Variants in GLRA2 observed in about 807,000 individuals in gnomAD.
GLRA2 encodes the protein glycine receptor alpha 2.
A neutral mutation model predicts 31.6 loss-of-function variants in GLRA2; 11 were observed. That is an observed-to-expected ratio of 0.35 (90% CI 0.22 to 0.58). The LOEUF (loss-of-function observed/expected upper bound fraction) is 0.58, where lower values mean the gene tolerates loss of function less well. GLRA2 is among the 20% of genes least tolerant of loss of function. The pLI is 0.84. For synonymous variants in GLRA2, 132 were observed against 134.0 expected (o/e 0.99, Z 0.10); for missense variants, 212 against 351.8 (o/e 0.60, Z 3.18).
intron 3 of GLRA2, chrX:14,574,686 A>G: frequency 2.0e-6 from 1 of 506,641 alleles, no homozygotes; most frequent in Non-Finnish European, 3.5e-6. Flanking sequence ...CTGAAAAGCA[A>G]TAATTTATAC....
At chrX:14,534,477 C>A (rs763730805) in intron 2 of GLRA2, among the ~76,000 whole-genome samples, 1 of 110,124 alleles carries the variant, frequency 9.1e-6, no homozygotes, top group East Asian at 2.8e-4. Flanking sequence ...CTTGATTATT[C>A]CTGGATTTAA....
chrX:14,463,262 C>T, the GLRA2 span, among the ~76,000 whole-genome samples: 2,151 of 111,228 alleles, frequency 0.019, 66 homozygotes, highest in African/African-American at 0.067. Context: ...AGGTGTCTGT[C>T]GGCACCTACT....
the GLRA2 span, among the ~76,000 whole-genome samples, chrX:14,518,116 C>A: frequency 8.1e-5 from 9 of 110,736 alleles, no homozygotes; most frequent in African/African-American, 3.0e-4. Context: ...GGTACTGAAC[C>A]CTTAGTAATC....
chrX:14,683,502 G>C (rs891939993), intron 7 of GLRA2, among the ~76,000 whole-genome samples: 1 of 111,123 alleles, frequency 9.0e-6, no homozygotes, highest in African/African-American at 3.3e-5. Context: ...TAGGTTGCCT[G>C]TTCACTCTGA....
chrX:14,625,952 C>A (rs1411457890), intron 7 of GLRA2, among the ~76,000 whole-genome samples: 1 of 111,956 alleles, frequency 8.9e-6, no homozygotes, highest in Non-Finnish European at 1.9e-5. Flanking sequence ...TCATACAGAG[C>A]TAGACCTTAA....
chrX:14,582,929 T>C (rs2090038900), intron 4 of GLRA2, among the ~76,000 whole-genome samples: 1 of 112,303 alleles, frequency 8.9e-6, no homozygotes, highest in Admixed American at 9.5e-5. Flanking sequence ...TGGACTGGAT[T>C]TGGCCCTTTG....
intron 7 of GLRA2, among the ~76,000 whole-genome samples, chrX:14,620,330 A>T (rs1381006713): frequency 9.2e-6 from 1 of 109,091 alleles, no homozygotes; most frequent in Non-Finnish European, 1.9e-5. Context: ...GTTTTTTAGG[A>T]TGCAGGCTTA....
chrX:14,555,933 C>G (rs886595776), intron 2 of GLRA2, among the ~76,000 whole-genome samples: 1 of 111,473 alleles, frequency 9.0e-6, no homozygotes, highest in South Asian at 3.8e-4. Flanking sequence ...TACAGTGAAT[C>G]GGGTAAAATC....
At chrX:14,629,063 GGA>G (rs1179802313) in intron 7 of GLRA2, among the ~76,000 whole-genome samples, 3 of 111,329 alleles carry the variant, frequency 2.7e-5, no homozygotes, top group Non-Finnish European at 3.8e-5. Context: ...AGAATTAATG[GGA>G]CATAGCAATT....
the GLRA2 span, among the ~76,000 whole-genome samples, chrX:14,477,859 A>G: frequency 9.0e-6 from 1 of 110,885 alleles, no homozygotes; most frequent in African/African-American, 3.3e-5. Context: ...CCTCCTGGCA[A>G]CGATTTTCTG....
At chrX:14,584,807 C>T (rs1299558191) in intron 4 of GLRA2, among the ~76,000 whole-genome samples, 1 of 112,019 alleles carries the variant, frequency 8.9e-6, no homozygotes, top group Non-Finnish European at 1.9e-5. Context: ...TAAAAAGCAG[C>T]ACAGAGCATC....
intron 7 of GLRA2, among the ~76,000 whole-genome samples, chrX:14,651,354 G>C (rs770967439): frequency 1.8e-5 from 2 of 111,211 alleles, no homozygotes; most frequent in Non-Finnish European, 3.8e-5. Flanking sequence ...TATCTGAGTT[G>C]TGAGAAATTT....
chrX:14,480,126 T>A, the GLRA2 span, among the ~76,000 whole-genome samples: 1 of 112,145 alleles, frequency 8.9e-6, no homozygotes, highest in African/African-American at 3.2e-5. Flanking sequence ...ATCAGTGATG[T>A]TGAGCATTAT....
At chrX:14,454,937 A>G in the GLRA2 span, among the ~76,000 whole-genome samples, 3,838 of 112,268 alleles carry the variant, frequency 0.034, 155 homozygotes, top group African/African-American at 0.12. Flanking sequence ...CAACATTTCT[A>G]ATTAATATGT....
intron 2 of GLRA2, among the ~76,000 whole-genome samples, chrX:14,568,821 C>T (rs2089845401): frequency 1.8e-5 from 2 of 111,757 alleles, no homozygotes; most frequent in Non-Finnish European, 3.8e-5. Context: ...GAATCAATTA[C>T]CTAAATGTAA....
At chrX:14,477,356 T>G in the GLRA2 span, among the ~76,000 whole-genome samples, 1 of 111,824 alleles carries the variant, frequency 8.9e-6, no homozygotes, top group Non-Finnish European at 1.9e-5. Context: ...AATATATACA[T>G]GTCCGATACT....
chrX:14,644,193 G>A (rs1204341820), intron 7 of GLRA2, among the ~76,000 whole-genome samples: 1 of 111,352 alleles, frequency 9.0e-6, no homozygotes, highest in Non-Finnish European at 1.9e-5. Context: ...CAGGAACAGA[G>A]CCCTTTCAGT....
rs1442476282 is a variant in GLRA2, at chrX:14,730,519, C to T, written c.*34C>T. ...TACAGACCCTGGGACCTTCTTGCCT[C>T]AGTGTTGTGCTTGTAAATACACAGT... On this transcript the variant is annotated 3_prime_UTR_variant, in exon 9 of 9. Coordinates refer to ENST00000218075, the MANE Select transcript of GLRA2 (RefSeq NM_002063.4). The T allele has an allele frequency of 1.0e-6, 1 of 988,603 alleles. No homozygotes were observed. Among genetic ancestry groups the T allele is most frequent in the Non-Finnish European group, 1.4e-6 (1 of 730,160 alleles). The allele number at this position is 988,603 out of a possible 1,213,427, so 81.5% of individuals were successfully genotyped here. A position where few individuals can be genotyped will look rare whatever the true frequency, so the allele number is the denominator to read the frequency against.
At chrX:14,616,073 G>C (rs1171881461) in intron 7 of GLRA2, among the ~76,000 whole-genome samples, 2 of 111,720 alleles carry the variant, frequency 1.8e-5, no homozygotes, top group Non-Finnish European at 3.8e-5. Flanking sequence ...TCTAGTGGCA[G>C]ACTAAAGGCT....
Sources: allele counts gnomAD v4.1 joint callset (sites outside exome capture counted in the v4.1 genomes callset), GRCh38; gene constraint gnomAD v4.1.1; transcripts MANE v1.5; gene names NCBI Gene and HGNC (gene_info 2026-07-23, HGNC 2026-07-21).